The following TXNRD2 variants were observed in gnomAD, a reference collection of about 807,000 sequenced individuals.
TXNRD2 encodes the protein thioredoxin reductase 2.
A neutral mutation model predicts 70.8 loss-of-function variants in TXNRD2; 67 were observed. The ratio of observed to expected loss-of-function variants is 0.95; its 90% confidence interval spans 0.78 to 1.16. TXNRD2 has a LOEUF of 1.16. Among genes scored for constraint, TXNRD2 ranks in the 50% most tolerant of loss-of-function variants. TXNRD2 has a pLI of 0.00. For synonymous variants in TXNRD2, 301 were observed against 295.8 expected, an observed-to-expected ratio of 1.02 and a Z score of -0.18; for missense variants, 644 against 719.9, an observed-to-expected ratio of 0.89 and a Z score of 1.21.
intron 12 of TXNRD2, among the ~76,000 whole-genome samples, chr22:19,883,018 G>C (rs1300862010): frequency 6.6e-6 from 1 of 152,266 alleles, no homozygotes; most frequent in East Asian, 1.9e-4. Flanking sequence ...ACCTGCCAGG[G>C]GTTGAGGCCT....
At chr22:19,908,926 T>C (rs60421292) in intron 8 of TXNRD2, among the ~76,000 whole-genome samples, 5,293 of 152,268 alleles carry the variant, frequency 0.035, 135 homozygotes, top group South Asian at 0.087. Context: ...TAACGTGGGC[T>C]GGGCGTGGTG....
In TXNRD2 at chr22:19,897,771, G is replaced by A. The variant is rs373327240; in HGVS notation, c.774+268C>T. ...GACCCGGAGGGTGACCTGCTCTGCC[G>A]GCACAAGGCTGGGCTGAGCCTCCCT... is the stretch of plus-strand genomic sequence containing the variant. On this transcript the variant is annotated intron_variant, in intron 10 of 17. Coordinates refer to ENST00000400521, the MANE Select transcript of TXNRD2 (RefSeq NM_006440.5). 5.3e-4 allele frequency among the ~76,000 whole-genome samples: 81 copies of A among 152,292 alleles called. No homozygotes were observed. The South Asian group carries it at 0.016, about 30-fold the overall frequency.
chr22:19,895,697 C>G (rs536159630), intron 10 of TXNRD2, 116 bp from the exon 11 acceptor site: 1 of 1,163,300 alleles, frequency 8.6e-7, no homozygotes, highest in East Asian at 2.5e-5. Context: ...GTGCGGAAGA[C>G]GGGGTGAGAC....
chr22:19,927,666 A>G (rs976772353), intron 2 of TXNRD2, among the ~76,000 whole-genome samples: 13 of 150,940 alleles, frequency 8.6e-5, no homozygotes, highest in Non-Finnish European at 1.8e-4. Context: ...AAAAAAAAAA[A>G]AAAAAGAAAA....
rs767950736 is a variant in TXNRD2, at chr22:19,877,059, A to T, written c.*46T>A. 1 of 1,568,680 alleles carries T rather than the reference A, an allele frequency of 6.4e-7. No individual in the cohort carries two copies. Among genetic ancestry groups the T allele is most frequent in the African/African-American group, 1.3e-5 (1 of 74,384 alleles). ...GCATACCTGGGTCTGGCCTCCGAGG[A>T]GCTGGCGGCGGGCGCACCGTGTGCC... On this transcript the variant is annotated 3_prime_UTR_variant, in exon 17 of 18. Transcript: ENST00000400521.
intron 9 of TXNRD2, among the ~76,000 whole-genome samples, 164 bp from the exon 10 acceptor site, chr22:19,898,294 G>A (rs540503602): frequency 6.6e-6 from 1 of 152,332 alleles, no homozygotes; most frequent in Non-Finnish European, 1.5e-5. Flanking sequence ...TGCACAGGCT[G>A]GGGTTAGCAA....
rs574389555 is a variant in TXNRD2, at chr22:19,915,785, C to G, written c.508G>C (p.Val170Leu). ...SFVDEHTVCGVAKGGKEILLS... is the reference protein window; with the variant it reads ...SFVDEHTVCGLAKGGKEILLS... ...CTCACCTCTTTCCCACCTTTGGCAA[C>G]GCCGCAAACCGTGTGCTCGTCAACA... The change falls in exon 6 of 18, where the codon GTT becomes CTT. Residue 170 changes from valine (V) to leucine (L), a missense_variant. Val to Leu is a conservative substitution (Grantham distance 32, BLOSUM62 1). This residue lies in a region of TXNRD2 where 566 missense variants were observed against 645.0 expected (regional missense o/e 0.88). Coordinates refer to ENST00000400521, the MANE Select transcript of TXNRD2 (RefSeq NM_006440.5). 5 of 1,614,244 alleles carry G rather than the reference C, an allele frequency of 3.1e-6. No individual in the cohort carries two copies. The South Asian group carries it at 5.5e-5, about 18-fold the overall frequency.
At chr22:19,914,216 T>A (rs1940533794) in intron 7 of TXNRD2, among the ~76,000 whole-genome samples, 1 of 152,214 alleles carries the variant, frequency 6.6e-6, no homozygotes, top group Admixed American at 6.5e-5. Context: ...CAACATAAAG[T>A]TACCACATGA....
At chr22:19,918,786 G>T in intron 4 of TXNRD2, 74 bp downstream of exon 4, 1 of 1,571,404 alleles carries the variant, frequency 6.4e-7, no homozygotes, top group African/African-American at 1.3e-5. Flanking sequence ...GGCTCATCGA[G>T]GATAAGCCTC....
At chr22:19,935,506 C>A (rs551838484) in intron 1 of TXNRD2, among the ~76,000 whole-genome samples, 1 of 152,272 alleles carries the variant, frequency 6.6e-6, no homozygotes, top group South Asian at 2.1e-4. Flanking sequence ...AGCATGTGAT[C>A]TTTGCTCTGC....
At chr22:19,919,048 T>G in intron 3 of TXNRD2, 44 bp from the exon 4 acceptor site, 2 of 1,588,952 alleles carry the variant, frequency 1.3e-6, no homozygotes, top group Non-Finnish European at 8.5e-7. Flanking sequence ...TTCAGGTGAC[T>G]GCTGGAGGCT....
At chr22:19,909,895 A>ACACACAC (rs1684019369) in intron 8 of TXNRD2, among the ~76,000 whole-genome samples, 1 of 25,548 alleles carries the variant, frequency 3.9e-5, no homozygotes, top group East Asian at 4.6e-3. Context: ...ACTCACACAC[A>ACACACAC]CACACACCAC....
chr22:19,915,332 C>A (rs1046533374), intron 6 of TXNRD2, 56 bp from the exon 7 acceptor site: 1 of 1,571,144 alleles, frequency 6.4e-7, no homozygotes, highest in South Asian at 1.1e-5. Context: ...ATCACCCCAC[C>A]GGAGGGCCTG....
chr22:19,877,347 C>G (rs1938556986), intron 16 of TXNRD2, 113 bp from the exon 17 acceptor site: 3 of 988,542 alleles, frequency 3.0e-6, no homozygotes, highest in Non-Finnish European at 4.6e-6. Flanking sequence ...CTCACTGTCC[C>G]CTGACCCCCA....
chr22:19,901,912 C>A (rs1449960184), intron 8 of TXNRD2, among the ~76,000 whole-genome samples: 2 of 152,132 alleles, frequency 1.3e-5, no homozygotes, highest in Admixed American at 6.6e-5. Context: ...ATTAAAAGAC[C>A]CAGAGGTTGG....
chr22:19,906,531 A>C (rs1046371110), intron 8 of TXNRD2, among the ~76,000 whole-genome samples: 1 of 152,118 alleles, frequency 6.6e-6, no homozygotes, highest in African/African-American at 2.4e-5. Flanking sequence ...CTGAGGCAGG[A>C]GAATTGCTTG....
chr22:19,896,302 CA>C (rs922135136), intron 10 of TXNRD2, among the ~76,000 whole-genome samples: 6 of 143,878 alleles, frequency 4.2e-5, no homozygotes, highest in Non-Finnish European at 6.0e-5. Context: ...TGTCTCAAAC[CA>C]AAAAAAAAGA....
chr22:19,918,363 T>A lies in TXNRD2; in HGVS notation c.375-146A>T. 4.0e-6 allele frequency: 3 copies of A among 741,944 alleles called. No homozygotes were observed. In the South Asian group the frequency reaches 4.9e-5, roughly 12 times the overall value. The allele number at this position is 741,944 out of a possible 1,614,324, so 46.0% of individuals were successfully genotyped here. The stretch of plus-strand genomic sequence containing the variant: ...TAAAGGTGGCAAAACGTGACATCCA[T>A]CCCTACGTGCAACCGCCTGTCCCAG... On this transcript the variant is annotated intron_variant, in intron 4 of 17. Transcript: ENST00000400521.
intron 9 of TXNRD2, among the ~76,000 whole-genome samples, chr22:19,898,840 T>C (rs1444946545): frequency 6.6e-6 from 1 of 152,122 alleles, no homozygotes; most frequent in Non-Finnish European, 1.5e-5. Flanking sequence ...TGTCCAGCTG[T>C]CCCAGCTCAG....
Sources: allele counts gnomAD v4.1 joint callset (sites outside exome capture counted in the v4.1 genomes callset), GRCh38; gene constraint gnomAD v4.1.1; regional missense constraint gnomAD v4.1.1; transcripts MANE v1.5; gene names NCBI Gene and HGNC (gene_info 2026-07-23, HGNC 2026-07-21).